PRRC2C: variants seen among roughly 807,000 people sequenced by gnomAD.
The protein encoded by PRRC2C is proline rich coiled-coil 2C.
A neutral mutation model predicts 317.2 loss-of-function variants in PRRC2C; 72 were observed. That is an observed-to-expected ratio of 0.23 (90% CI 0.19 to 0.28). The LOEUF (loss-of-function observed/expected upper bound fraction) is 0.28. Among genes scored for constraint, PRRC2C ranks in the 10% least tolerant of loss-of-function variants. The pLI is 1.00. For synonymous variants in PRRC2C, 1,296 were observed against 1,205.9 expected (o/e 1.07, Z -1.55); for missense variants, 3,074 against 3,459.7 (o/e 0.89, Z 2.80).
Position 171,561,010 on chromosome 1 carries a change from C to G in PRRC2C, c.6032-8C>G, listed in dbSNP as rs556524854. ...TTAATCATGTTTTTTATGGCTTCTT[C>G]TTTCCAGTAGGTCCCATTAGTCCAC... is the stretch of plus-strand genomic sequence containing the variant. On this transcript the variant is annotated splice_polypyrimidine_tract_variant and splice_region_variant and intron_variant, in intron 19 of 34. Coordinates refer to ENST00000647382, the MANE Select transcript of PRRC2C (RefSeq NM_001387844.1). 5 of 1,573,150 alleles carry G rather than the reference C, an allele frequency of 3.2e-6. No individual in the cohort carries two copies. Among genetic ancestry groups the G allele is most frequent in the Admixed American group, 3.3e-5 (2 of 59,954 alleles).
Position 171,524,824 on chromosome 1 carries a change from G to A in PRRC2C, c.1059G>A (p.Glu353=). ...CTTCTGCATTTTGATTTTTCAGTGA[G>A]GATCAAGGTTCAAAAGCCTCTGAAA... The part of the protein sequence containing the change: ...GSNSPKENNS[E]DQGSKASENN... The change falls in exon 10 of 35, where the codon GAG becomes GAA. Residue 353 remains glutamate, a synonymous_variant. Transcript: ENST00000647382. The A allele has an allele frequency of 1.3e-6, 2 of 1,560,202 alleles. No individual in the cohort carries two copies. Among genetic ancestry groups the A allele is most frequent in the Middle Eastern group, 1.7e-4 (1 of 5,962 alleles).
chr1:171,512,219 C>T lies in PRRC2C; in HGVS notation c.112+19C>T. On this transcript the variant is annotated intron_variant, in intron 2 of 34. Coordinates refer to ENST00000647382, the MANE Select transcript of PRRC2C (RefSeq NM_001387844.1). ...ACCACAGGTGAGTAAAATCAAGTGA[C>T]ACTTATGTTTTTCATGGTTTGTTTT... 1 of 1,465,356 alleles carries T rather than the reference C, an allele frequency of 6.8e-7. No individual in the cohort carries two copies. The highest frequency in any genetic ancestry group is 9.4e-7 in the Non-Finnish European group (1 of 1,067,816). The allele number at this position is 1,465,356 out of a possible 1,614,324, so 90.8% of individuals were successfully genotyped here. A position where few individuals can be genotyped will look rare whatever the true frequency, so the allele number is the denominator to read the frequency against.
rs930546161 is a variant in PRRC2C at position 171,540,867 on chromosome 1, T to A, written c.3401T>A (p.Val1134Asp). 5.0e-6 allele frequency: 8 copies of A among 1,613,396 alleles called. No homozygotes were observed. The highest frequency in any genetic ancestry group is 6.8e-6 in the Non-Finnish European group (8 of 1,179,776). Residue 1134 changes from valine to aspartate, a missense_variant, in exon 16 of 35, where the codon GTC (valine) becomes GAC (aspartate). Val to Asp is a radical substitution (Grantham distance 152). Coordinates refer to ENST00000647382, the MANE Select transcript of PRRC2C (RefSeq NM_001387844.1). ...VNQQTMAAPV[V>D]KEEKQPEKVI... ...CAACAGACTATGGCAGCACCAGTAGTCAAAGAAGAAAAACAACCTGAGAAA... is the reference window on the plus strand; with the variant it reads ...CAACAGACTATGGCAGCACCAGTAGACAAAGAAGAAAAACAACCTGAGAAA...
intron 25 of PRRC2C, 38 bp from the exon 26 acceptor site, chr1:171,577,396 T>C: frequency 1.3e-6 from 2 of 1,490,282 alleles, no homozygotes; most frequent in Non-Finnish European, 1.9e-6. Context: ...CTTTTAAATA[T>C]GCTCTATTTT....
Position 171,541,246 on chromosome 1 carries a change from A to T in PRRC2C, c.3780A>T (p.Arg1260Ser). 6.2e-7 allele frequency: 1 copy of T among 1,613,844 alleles called. No homozygotes were observed. The highest frequency in any genetic ancestry group is 1.7e-5 in the Admixed American group (1 of 59,978). The change falls in exon 16 of 35, where the codon AGA becomes AGT. Residue 1260 changes from arginine to serine, a missense_variant. Around this residue, in one of 11 missense-constraint regions of PRRC2C, gnomAD observed 1,320 missense variants for 1,395.7 expected, o/e 0.95. Coordinates refer to ENST00000647382, the MANE Select transcript of PRRC2C (RefSeq NM_001387844.1). This position sits in a 1 kb window ranked among gnomAD's most constrained non-coding sequence, Gnocchi z 4.1. ...ATTTTGAAGTTGTCCCCAAAAGAAGACGACAGCGGGGTTCAGAGACTGACA... is the reference window on the plus strand; with the variant it reads ...ATTTTGAAGTTGTCCCCAAAAGAAGTCGACAGCGGGGTTCAGAGACTGACA... ...SSDFEVVPKR[R>S]RQRGSETDTD...
chr1:171,579,228 C>G (rs1647948108), intron 26 of PRRC2C, 126 bp from the exon 27 acceptor site: 3 of 1,321,602 alleles, frequency 2.3e-6, no homozygotes, highest in South Asian at 1.8e-5. Context: ...TTAGTTTTTC[C>G]ATGGCTGTAT....
At position 171,517,685 on chromosome 1, in the gene PRRC2C, T is replaced by A. The variant is rs1192363608; in HGVS notation, c.621T>A (p.Ala207=). The change falls in exon 6 of 35, where the codon GCT becomes GCA. Residue 207 remains alanine, a synonymous_variant. Transcript: ENST00000647382. ...TCCCTGGCCAGGATGAAAGCACAGC[T>A]GGAACATCAGAGCAAAATGATATCC... ...EKLPGQDEST[A]GTSEQNDILK... 3.1e-6 allele frequency: 5 copies of A among 1,613,562 alleles called. No individual in the cohort carries two copies. In the South Asian group the frequency reaches 5.5e-5, roughly 18 times the overall value.
chr1:171,524,092 T>C (rs1320733207), intron 9 of PRRC2C, among the ~76,000 whole-genome samples: 1 of 152,046 alleles, frequency 6.6e-6, no homozygotes, highest in African/African-American at 2.4e-5. Context: ...TTTTGAGAAC[T>C]GGTATTAGGA....
intron 1 of PRRC2C, among the ~76,000 whole-genome samples, chr1:171,487,951 C>G (rs1485718667): frequency 7.6e-6 from 1 of 132,416 alleles, no homozygotes; most frequent in Non-Finnish European, 1.7e-5. Context: ...TCTTTATGCT[C>G]TACAGTAAAT....
chr1:171,555,046 C>G (rs1437802634), intron 18 of PRRC2C, among the ~76,000 whole-genome samples: 1 of 152,162 alleles, frequency 6.6e-6, no homozygotes, highest in Non-Finnish European at 1.5e-5. Flanking sequence ...GGATAATATC[C>G]GGAAGAATGT....
At chr1:171,527,961 T>A (rs1674969054) in intron 11 of PRRC2C, 117 bp downstream of exon 11, 1 of 761,810 alleles carries the variant, frequency 1.3e-6, no homozygotes. Context: ...CTTTTTACCT[T>A]GTGACTCTTA....
At chr1:171,580,334 A>G (rs1050495195) in intron 28 of PRRC2C, among the ~76,000 whole-genome samples, 2 of 152,214 alleles carry the variant, frequency 1.3e-5, no homozygotes, top group Non-Finnish European at 2.9e-5. Context: ...TAACTACATC[A>G]TGTTAGGGGG....
At chr1:171,589,308 G>GTTTT (rs11284338) in intron 33 of PRRC2C, 61 bp from the exon 34 acceptor site, 534 of 444,074 alleles carry the variant, frequency 1.2e-3, no homozygotes, top group Middle Eastern at 2.8e-3. Context: ...CTAGTTGGCA[G>GTTTT]TTTTTTTTTT....
At chr1:171,550,294 G>GT in intron 18 of PRRC2C, 54 bp downstream of exon 18, 1 of 1,453,518 alleles carries the variant, frequency 6.9e-7, no homozygotes, top group South Asian at 1.4e-5. Flanking sequence ...TGCCCAAAGT[G>GT]TATCAGCAAA....
chr1:171,498,303 G>A (rs1469417891), intron 1 of PRRC2C, among the ~76,000 whole-genome samples: 1 of 152,102 alleles, frequency 6.6e-6, no homozygotes, highest in Non-Finnish European at 1.5e-5. Context: ...TGTTGGTACT[G>A]AAGGCTGGAA....
Position 171,513,007 on chromosome 1 carries a change from A to C in PRRC2C, c.125A>C (p.His42Pro). ...ETQKTTVAARHGLQSLGKVGI... is the reference protein window; with the variant it reads ...ETQKTTVAARPGLQSLGKVGI... ...TATTGATCTTTAGTTGCAGCTCGAC[A>C]TGGATTACAGAGTCTTGGAAAAGTC... The change falls in exon 3 of 35, where the codon CAT becomes CCT. Residue 42 changes from histidine to proline, a missense_variant. Coordinates refer to ENST00000647382, the MANE Select transcript of PRRC2C (RefSeq NM_001387844.1). 1 of 1,605,280 alleles carries C rather than the reference A, an allele frequency of 6.2e-7. No homozygotes were observed. Among genetic ancestry groups the C allele is most frequent in the Middle Eastern group, 1.7e-4 (1 of 6,034 alleles).
intron 12 of PRRC2C, among the ~76,000 whole-genome samples, chr1:171,533,285 T>C (rs1018425892): frequency 6.6e-5 from 10 of 152,236 alleles, no homozygotes; most frequent in African/African-American, 2.4e-4. Flanking sequence ...ATCTCATTTG[T>C]TCACATGCAT....
chr1:171,510,014 G>T (rs2102229246), intron 1 of PRRC2C: 1 of 151,772 alleles, frequency 6.6e-6, no homozygotes, highest in South Asian at 2.1e-4. Context: ...ACCATGCCTG[G>T]CTAATTTTTG....
At chr1:171,488,480 A>G (rs780646773) in intron 1 of PRRC2C, among the ~76,000 whole-genome samples, 2 of 150,974 alleles carry the variant, frequency 1.3e-5, no homozygotes, top group Non-Finnish European at 3.0e-5. Flanking sequence ...AGCGTTCTAT[A>G]GAGAGGGTAA....
Sources: gnomAD v4.1 joint callset for allele counts (sites outside exome capture counted in the v4.1 genomes callset) on GRCh38, gnomAD v4.1.1 for gene constraint, gnomAD v4.1.1 regional missense constraint, Gnocchi (gnomAD v3.1) non-coding constraint, MANE v1.5 for transcripts, NCBI Gene and HGNC (gene_info 2026-07-23, HGNC 2026-07-21) for gene names.